MACROD2: variants seen among roughly 807,000 people sequenced by gnomAD.
The protein encoded by MACROD2 is mono-ADP ribosylhydrolase 2, also known as ADP-ribose glycohydrolase MACROD2.
In MACROD2, 36 loss-of-function variants were observed where a neutral mutation model predicts 70.4. The observed-to-expected ratio is 0.51, with a 90% confidence interval of 0.39 to 0.68. MACROD2 has a LOEUF of 0.68. Among genes scored for constraint, MACROD2 ranks in the 30% least tolerant of loss-of-function variants. The pLI is 0.00. For synonymous variants in MACROD2, 172 were observed against 178.8 expected, an observed-to-expected ratio of 0.96 and a Z score of 0.30; for missense variants, 496 against 538.4, an observed-to-expected ratio of 0.92 and a Z score of 0.78.
chr20:15,877,507 A>C (rs1393407528), intron 9 of MACROD2, among the ~76,000 whole-genome samples: 2 of 152,138 alleles, frequency 1.3e-5, no homozygotes, highest in East Asian at 3.9e-4. Flanking sequence ...AATCACCTTC[A>C]AAAAGTAGAT....
chr20:15,822,149 T>C (rs2063945298), intron 8 of MACROD2, among the ~76,000 whole-genome samples: 8 of 152,180 alleles, frequency 5.3e-5, no homozygotes, highest in Admixed American at 5.2e-4. Context: ...TTTAGGGACA[T>C]GCAGATCTGG....
At chr20:14,265,138 C>T (rs2082133426) in intron 3 of MACROD2, among the ~76,000 whole-genome samples, 1 of 152,142 alleles carries the variant, frequency 6.6e-6, no homozygotes. Context: ...CCAGCATAAC[C>T]TTAGGGTCCA....
intron 4 of MACROD2, among the ~76,000 whole-genome samples, chr20:14,624,874 T>C (rs1321272900): frequency 6.6e-6 from 1 of 152,236 alleles, no homozygotes; most frequent in African/African-American, 2.4e-5. Flanking sequence ...GCAGCACTAC[T>C]ACCTCATTCA....
In MACROD2 at chr20:15,086,002, C is replaced by G. The variant is rs960993672; in HGVS notation, c.419-143938C>G. ...GCTTGAAACTTAACAAGTACATTCT[C>G]AGGACCCACCCACCCACCAACCAGA... On this transcript the variant is annotated intron_variant, in intron 5 of 17. Transcript: ENST00000684519. Among the ~76,000 whole-genome samples the G allele has an allele frequency of 3.3e-5, 5 of 151,874 alleles. 1 individual carries two copies.
At chr20:14,862,678 AATATATATATAAATATATATAAATATAT>A (rs1568841668) in intron 5 of MACROD2, among the ~76,000 whole-genome samples, 5 of 63,332 alleles carry the variant, frequency 7.9e-5, no homozygotes, top group African/African-American at 3.3e-4. Flanking sequence ...AATATATATA[AATATATATATAAATATATATAAATATAT>A]ATATATATAT....
chr20:16,029,527 T>C (rs2067124588), intron 15 of MACROD2, among the ~76,000 whole-genome samples: 1 of 151,936 alleles, frequency 6.6e-6, no homozygotes, highest in African/African-American at 2.4e-5. Flanking sequence ...AAACAGTAAT[T>C]AAACGAAAGA....
intron 4 of MACROD2, among the ~76,000 whole-genome samples, chr20:14,550,053 G>C (rs532705764): frequency 9.2e-5 from 14 of 151,854 alleles, no homozygotes; most frequent in African/African-American, 3.4e-4. Flanking sequence ...CTCCTGAGTA[G>C]CTGGGATTAC....
intron 4 of MACROD2, among the ~76,000 whole-genome samples, chr20:14,651,615 A>G (rs79691358): frequency 0.052 from 7,872 of 152,308 alleles, 668 homozygotes; most frequent in African/African-American, 0.18. Context: ...ATATTGAAAT[A>G]TAGTCAAGAA....
At chr20:14,238,034 A>C (rs1282146528) in intron 3 of MACROD2, among the ~76,000 whole-genome samples, 1 of 152,128 alleles carries the variant, frequency 6.6e-6, no homozygotes, top group Non-Finnish European at 1.5e-5. Context: ...TAGCAGCATG[A>C]TTTATAATCC....
At chr20:15,092,882 G>A (rs946893369) in intron 5 of MACROD2, among the ~76,000 whole-genome samples, 5 of 152,090 alleles carry the variant, frequency 3.3e-5, no homozygotes, top group Non-Finnish European at 5.9e-5. Context: ...GTCTCTCTCC[G>A]AATAAGTGCT....
intron 3 of MACROD2, among the ~76,000 whole-genome samples, chr20:14,230,631 T>TGTGTGTATATATATA (rs1569217269): frequency 3.2e-5 from 3 of 94,264 alleles, no homozygotes; most frequent in African/African-American, 5.5e-5. Context: ...TCATTCATGT[T>TGTGTGTATATATATA]TATATATATA....
At chr20:15,084,072 G>GTTTTTGTTTTTT (rs760667936) in intron 5 of MACROD2, among the ~76,000 whole-genome samples, 1 of 31,772 alleles carries the variant, frequency 3.1e-5, no homozygotes, top group African/African-American at 8.7e-5. Flanking sequence ...TTTTTTTTTT[G>GTTTTTGTTTTTT]TTTTTTTTTT....
intron 15 of MACROD2, among the ~76,000 whole-genome samples, chr20:15,994,228 T>A (rs189610918): frequency 6.6e-5 from 10 of 152,312 alleles, no homozygotes; most frequent in Admixed American, 5.9e-4. Flanking sequence ...CAAGTACTGC[T>A]ATTCTACATT....
intron 2 of MACROD2, among the ~76,000 whole-genome samples, chr20:14,018,259 T>G (rs1192751542): frequency 6.7e-6 from 1 of 150,298 alleles, no homozygotes; most frequent in Non-Finnish European, 1.5e-5. Flanking sequence ...ATTTCCTTTA[T>G]TTTTTTTTTC....
chr20:14,764,773 A>G lies in MACROD2; in HGVS notation c.418+79814A>G, dbSNP rs568932273. Among the ~76,000 whole-genome samples, 75 of 152,234 alleles carry G rather than the reference A, an allele frequency of 4.9e-4. 1 individual carries two copies. The highest frequency in any genetic ancestry group is 3.4e-3 in the Middle Eastern group (1 of 294). ...GAATCTATGAATGTGTCCAGCATAAAGAGGGCTGAATGTTACAGTGATGCC... is the reference window on the plus strand; with the variant it reads ...GAATCTATGAATGTGTCCAGCATAAGGAGGGCTGAATGTTACAGTGATGCC... On this transcript the variant is annotated intron_variant, in intron 5 of 17. Coordinates refer to ENST00000684519, the MANE Select transcript of MACROD2 (RefSeq NM_001351661.2).
Position 14,909,740 on chromosome 20 carries a change from G to GA in MACROD2, c.418+224788dup, listed in dbSNP as rs560858536. Among the ~76,000 whole-genome samples the GA allele has an allele frequency of 3.6e-3, 541 of 151,816 alleles. 2 individuals carry two copies. The highest frequency in any genetic ancestry group is 0.01 in the Middle Eastern group (3 of 292). On this transcript the variant is annotated intron_variant, in intron 5 of 17. Transcript: ENST00000684519. ...GACCTGCCACTGCTTCTACCTATCT[G>GA]AAAAAAACAAAACAAAACAGGAATT...
chr20:14,383,776 C>T (rs1165712630), intron 3 of MACROD2, among the ~76,000 whole-genome samples: 1 of 152,038 alleles, frequency 6.6e-6, no homozygotes, highest in Non-Finnish European at 1.5e-5. Context: ...GTAGATCCTT[C>T]AATTAAGCTG....
chr20:15,301,202 T>C (rs2146126424), intron 6 of MACROD2, among the ~76,000 whole-genome samples: 1 of 152,312 alleles, frequency 6.6e-6, no homozygotes, highest in East Asian at 1.9e-4. Context: ...CTGTTGCTAT[T>C]CTAGGGGGCA....
At chr20:14,525,471 A>G (rs1049099788) in intron 4 of MACROD2, among the ~76,000 whole-genome samples, 9 of 152,234 alleles carry the variant, frequency 5.9e-5, no homozygotes, top group Admixed American at 2.6e-4. Context: ...TATTATTTCC[A>G]TATTACAGAT....
Sources: allele counts gnomAD v4.1 joint callset (sites outside exome capture counted in the v4.1 genomes callset), GRCh38; gene constraint gnomAD v4.1.1; transcripts MANE v1.5; gene names NCBI Gene and HGNC (gene_info 2026-07-23, HGNC 2026-07-21).